The following GABRB3 variants were observed in gnomAD, a reference collection of about 807,000 sequenced individuals.
The protein encoded by GABRB3 is gamma-aminobutyric acid type A receptor subunit beta3, also known as gamma-aminobutyric acid receptor subunit beta-3.
Under a neutral mutation model 52.1 loss-of-function variants are expected in GABRB3, and 14 were observed. That is an observed-to-expected ratio of 0.27 (90% CI 0.18 to 0.42). GABRB3 has a LOEUF of 0.42. Among genes scored for constraint, GABRB3 ranks in the 10% least tolerant of loss-of-function variants. GABRB3 has a pLI of 1.00. For synonymous variants in GABRB3, 260 were observed against 232.3 expected (o/e 1.12, Z -1.08); for missense variants, 307 against 609.1 (o/e 0.50, Z 5.22).
chr15:26,770,145 A>C (rs1193678285), intron 3 of GABRB3, among the ~76,000 whole-genome samples: 1 of 152,172 alleles, frequency 6.6e-6, no homozygotes, highest in Non-Finnish European at 1.5e-5. Context: ...TTTAAGGAAA[A>C]TCAGATTTTT....
chr15:26,760,805 G>GCACACACACACACACACACA (rs1555383013), intron 3 of GABRB3, among the ~76,000 whole-genome samples: 1 of 17,630 alleles, frequency 5.7e-5, no homozygotes, highest in Non-Finnish European at 1.1e-4. Flanking sequence ...ACACACACGC[G>GCACACACACACACACACACA]CACGCACACA....
intron 3 of GABRB3, among the ~76,000 whole-genome samples, chr15:26,645,994 A>G (rs552725954): frequency 6.6e-6 from 1 of 152,294 alleles, no homozygotes; most frequent in South Asian, 2.1e-4. Context: ...TATATGAAAA[A>G]TCATTTTCCA....
chr15:26,552,427 G>A (rs1293192883), intron 8 of GABRB3, among the ~76,000 whole-genome samples: 3 of 152,204 alleles, frequency 2.0e-5, no homozygotes, highest in Non-Finnish European at 4.4e-5. Context: ...TGGTTTGGGA[G>A]ACAGAGTTTC....
At chr15:26,568,495 C>G (rs566079703) in intron 6 of GABRB3, among the ~76,000 whole-genome samples, 57 of 127,672 alleles carry the variant, frequency 4.5e-4, no homozygotes, top group Non-Finnish European at 9.3e-4. Flanking sequence ...ATTTTGTTTT[C>G]CTTTCTTTTT....
At chr15:26,601,533 T>G (rs560550474) in intron 4 of GABRB3, among the ~76,000 whole-genome samples, 1 of 151,956 alleles carries the variant, frequency 6.6e-6, no homozygotes, top group African/African-American at 2.4e-5. Context: ...ATAACTAACA[T>G]GATGATGGTA....
At chr15:26,695,170 G>A (rs1322742352) in intron 3 of GABRB3, among the ~76,000 whole-genome samples, 1 of 152,068 alleles carries the variant, frequency 6.6e-6, no homozygotes, top group East Asian at 1.9e-4. Flanking sequence ...ATTAATGACA[G>A]ACTAAATAGA....
intron 3 of GABRB3, among the ~76,000 whole-genome samples, chr15:26,705,707 A>C (rs28377614): frequency 0.084 from 12,716 of 152,224 alleles, 1,746 homozygotes; most frequent in African/African-American, 0.29. Flanking sequence ...ACAAAAGATG[A>C]GGGTGGACAC....
chr15:26,661,206 GCTGAATTCTCAA>G (rs1887531559), intron 3 of GABRB3, among the ~76,000 whole-genome samples: 1 of 152,148 alleles, frequency 6.6e-6, no homozygotes. Flanking sequence ...CTAATCACCA[GCTGAATTCTCAA>G]CTGAATTCTC....
In GABRB3 at chr15:26,545,703, G is replaced by A. The variant is rs1243103277; in HGVS notation, c.*2090C>T. On this transcript the variant is annotated 3_prime_UTR_variant, in exon 9 of 9. Coordinates refer to ENST00000311550, the MANE Select transcript of GABRB3 (RefSeq NM_000814.6). ...AATAATGATAAGGCCACTTAACAAG[G>A]TTTTTCCCAATCTGTTTAACTTTTA... 2 of 152,434 alleles carry A rather than the reference G, an allele frequency of 1.3e-5. No individual in the cohort carries two copies. The highest frequency in any genetic ancestry group is 4.8e-5 in the African/African-American group (2 of 41,396). The allele number at this position is 152,434 out of a possible 1,614,324, so 9.4% of individuals were successfully genotyped here.
chr15:26,772,340 G>T, intron 3 of GABRB3, 62 bp downstream of exon 3: 1 of 1,426,206 alleles, frequency 7.0e-7, no homozygotes, highest in Non-Finnish European at 9.7e-7. Context: ...CACTGTGGAC[G>T]CCTGTGATCC....
intron 3 of GABRB3, among the ~76,000 whole-genome samples, chr15:26,697,523 G>C (rs1284079798): frequency 6.6e-6 from 1 of 152,182 alleles, no homozygotes; most frequent in East Asian, 1.9e-4. Context: ...CACTCTCTCA[G>C]GTCCTTCTCA....
At chr15:26,707,043 C>A (rs1425854940) in intron 3 of GABRB3, among the ~76,000 whole-genome samples, 3 of 152,148 alleles carry the variant, frequency 2.0e-5, no homozygotes, top group Admixed American at 6.5e-5. Context: ...TGGAGGCACT[C>A]ACACAATCAA....
intron 3 of GABRB3, among the ~76,000 whole-genome samples, chr15:26,662,108 C>T (rs890487483): frequency 1.3e-5 from 2 of 152,154 alleles, no homozygotes. Context: ...TGAACGGAGG[C>T]TTTGGAACCT....
chr15:26,624,291 C>T (rs975825059), intron 3 of GABRB3: 21 of 985,672 alleles, frequency 2.1e-5, no homozygotes, highest in South Asian at 1.4e-4. Flanking sequence ...TTAGTGGTGG[C>T]GACCACAGAG....
rs142526818 is a variant in GABRB3, at chr15:26,695,294, GA to G, written c.241-73761del. Among the ~76,000 whole-genome samples, 741 of 152,278 alleles carry G rather than the reference GA, an allele frequency of 4.9e-3. 3 individuals are homozygous for G. The highest frequency in any genetic ancestry group is 0.017 in the African/African-American group (700 of 41,568). The stretch of plus-strand genomic sequence containing the variant: ...AGAAGGAAAAAACACGTTGTCTATA[GA>G]AGAACAAGGATAAGATTTATACCGG... On this transcript the variant is annotated intron_variant, in intron 3 of 8. Coordinates refer to ENST00000311550, the MANE Select transcript of GABRB3 (RefSeq NM_000814.6).
chr15:26,760,802 C>T (rs1268290071), intron 3 of GABRB3, among the ~76,000 whole-genome samples: 3 of 98,072 alleles, frequency 3.1e-5, no homozygotes, highest in African/African-American at 1.2e-4. Context: ...CACACACACA[C>T]GCGCACGCAC....
chr15:26,650,431 T>C (rs1204926671), intron 3 of GABRB3, among the ~76,000 whole-genome samples: 1 of 151,936 alleles, frequency 6.6e-6, no homozygotes, highest in Admixed American at 6.6e-5. Context: ...GAAGACCCAG[T>C]AGGGCCAAAA....
chr15:26,726,974 C>T (rs180755339), intron 3 of GABRB3, among the ~76,000 whole-genome samples: 29 of 152,284 alleles, frequency 1.9e-4, no homozygotes, highest in Admixed American at 7.2e-4. Flanking sequence ...GCCTGACCAA[C>T]ATGGTGAAAC....
chr15:26,746,354 T>A (rs953671200), intron 3 of GABRB3, among the ~76,000 whole-genome samples: 4 of 152,172 alleles, frequency 2.6e-5, no homozygotes, highest in African/African-American at 7.2e-5. Context: ...TACTCCAAGT[T>A]CTTTGTCAAA....
Sources: allele counts gnomAD v4.1 joint callset (sites outside exome capture counted in the v4.1 genomes callset), GRCh38; gene constraint gnomAD v4.1.1; transcripts MANE v1.5; gene names NCBI Gene and HGNC (gene_info 2026-07-23, HGNC 2026-07-21).